Variants in CRYL1 observed in about 807,000 individuals in gnomAD.
CRYL1 encodes the protein lambda-crystallin homolog.
In CRYL1, 29 loss-of-function variants were observed where a neutral mutation model predicts 36.6. The ratio of observed to expected loss-of-function variants is 0.79; its 90% confidence interval spans 0.59 to 1.08. The LOEUF (loss-of-function observed/expected upper bound fraction) is 1.08, where lower values mean the gene tolerates loss of function less well. CRYL1 is among the 50% of genes least tolerant of loss of function. The pLI is 0.00. For missense variants in CRYL1, 411 were observed against 407.9 expected (o/e 1.01, Z -0.06); for synonymous variants, 152 against 151.5 (o/e 1.00, Z -0.02).
chr13:20,416,127 G>T (rs535386911), intron 5 of CRYL1, among the ~76,000 whole-genome samples: 8 of 152,312 alleles, frequency 5.3e-5, no homozygotes, highest in Admixed American at 5.2e-4. Context: ...CGCCACGCTT[G>T]GTGTCCTCAC....
intron 2 of CRYL1, among the ~76,000 whole-genome samples, chr13:20,497,892 A>G (rs1014889401): frequency 5.3e-5 from 8 of 151,998 alleles, no homozygotes; most frequent in Non-Finnish European, 1.0e-4. Flanking sequence ...ATAAGGATTT[A>G]TACTCATATT....
At chr13:20,432,774 T>A (rs2032101169) in intron 4 of CRYL1, among the ~76,000 whole-genome samples, 1 of 152,060 alleles carries the variant, frequency 6.6e-6, no homozygotes, top group Admixed American at 6.6e-5. Context: ...TCCCAGAACT[T>A]TGGGAGGTCG....
intron 5 of CRYL1, chr13:20,431,344 A>G: frequency 1.0e-6 from 1 of 985,322 alleles, no homozygotes; most frequent in South Asian, 4.7e-5. Flanking sequence ...CCGGCCCTTG[A>G]GCCTTCCACA....
chr13:20,431,197 C>A (rs1593438973), intron 5 of CRYL1: 1 of 985,316 alleles, frequency 1.0e-6, no homozygotes, highest in Non-Finnish European at 1.2e-6. Flanking sequence ...GAAGCTGGGG[C>A]ACAGTCAGCT....
Position 20,462,817 on chromosome 13 carries a change from C to T in CRYL1, c.277-23063G>A, listed in dbSNP as rs189563386. Among the ~76,000 whole-genome samples the T allele has an allele frequency of 2.7e-3, 408 of 151,978 alleles. 3 individuals carry two copies. The highest frequency in any genetic ancestry group is 4.6e-3 in the Non-Finnish European group (311 of 67,988). ...CCCACTGCCTTAATGATTAGCCAAA[C>T]GTGCCTAAATTGTACTTAAATGTGA... On this transcript the variant is annotated intron_variant, in intron 3 of 7. Transcript: ENST00000298248.
chr13:20,447,106 C>T (rs1390828447), intron 3 of CRYL1, among the ~76,000 whole-genome samples: 2 of 152,156 alleles, frequency 1.3e-5, no homozygotes, highest in Non-Finnish European at 2.9e-5. Context: ...GGCAATCCTA[C>T]CAGTAGATGA....
At chr13:20,489,081 T>C (rs1276414754) in intron 3 of CRYL1, among the ~76,000 whole-genome samples, 2 of 152,214 alleles carry the variant, frequency 1.3e-5, no homozygotes, top group Non-Finnish European at 2.9e-5. Context: ...CTATTTTTGC[T>C]AAAACTGTTA....
Position 20,415,922 on chromosome 13 carries a change from T to C in CRYL1, c.634-2535A>G, listed in dbSNP as rs767921927. On this transcript the variant is annotated intron_variant, in intron 5 of 7. Coordinates refer to ENST00000298248, the MANE Select transcript of CRYL1 (RefSeq NM_015974.3). The surrounding 1 kb of genome is among the most constrained non-coding windows in gnomAD (Gnocchi z 4.1). ...CTGCGTCATGTGTCCATCTCCTTGA[T>C]GCAGAGATATGAGTTTAGTCATCCA... Among the ~76,000 whole-genome samples, 21 of 152,218 alleles carry C rather than the reference T, an allele frequency of 1.4e-4. No individual in the cohort carries two copies. Among genetic ancestry groups the C allele is most frequent in the Non-Finnish European group, 7.3e-5 (5 of 68,030 alleles).
rs888203660 is a variant in CRYL1 at position 20,525,476 on chromosome 13, C to G, written c.41+278G>C. On this transcript the variant is annotated intron_variant, in intron 1 of 7. Transcript: ENST00000298248. This position sits in a 1 kb window ranked among gnomAD's most constrained non-coding sequence, Gnocchi z 4.3. ...AACAGAGTCCAGGAACCGCAGGCCCCGCGGCCTGGGCGGTCAACCTCGGAA... is the reference window on the plus strand; with the variant it reads ...AACAGAGTCCAGGAACCGCAGGCCCGGCGGCCTGGGCGGTCAACCTCGGAA... Among the ~76,000 whole-genome samples the G allele has an allele frequency of 6.6e-6, 1 of 152,184 alleles. No individual in the cohort carries two copies. The highest frequency in any genetic ancestry group is 2.4e-5 in the African/African-American group (1 of 41,476).
At position 20,414,933 on chromosome 13, in the gene CRYL1, C is replaced by G. The variant is rs548132194; in HGVS notation, c.634-1546G>C. ...ACGGCTCAGACAGGCAGCACTCCCG[C>G]GGAATCCGCCGCCCCAGGTCTCATC... On this transcript the variant is annotated intron_variant, in intron 5 of 7. Transcript: ENST00000298248. 4.6e-5 allele frequency among the ~76,000 whole-genome samples: 7 copies of G among 152,366 alleles called. No homozygotes were observed. In the South Asian group the frequency reaches 8.3e-4, roughly 18 times the overall value.
rs915980876 is a variant in CRYL1, at chr13:20,435,527, G to A, written c.439-3231C>T. ...GCCTCTGGCCCAAGAGGTCAATCTTGTCAATAAGGTCGGGTGCCCCTTGAA... is the reference window on the plus strand; with the variant it reads ...GCCTCTGGCCCAAGAGGTCAATCTTATCAATAAGGTCGGGTGCCCCTTGAA... On this transcript the variant is annotated intron_variant, in intron 4 of 7. Transcript: ENST00000298248. This position sits in a 1 kb window ranked among gnomAD's most constrained non-coding sequence, Gnocchi z 4.0. Among the ~76,000 whole-genome samples, 5 of 152,210 alleles carry A rather than the reference G, an allele frequency of 3.3e-5. No individual in the cohort carries two copies. The highest frequency in any genetic ancestry group is 1.2e-4 in the African/African-American group (5 of 41,448).
At chr13:20,470,265 T>C (rs1442691580) in intron 3 of CRYL1, among the ~76,000 whole-genome samples, 2 of 152,150 alleles carry the variant, frequency 1.3e-5, no homozygotes, top group Non-Finnish European at 2.9e-5. Flanking sequence ...CGGGTGCAAG[T>C]TCAAGCACAG....
intron 4 of CRYL1, among the ~76,000 whole-genome samples, chr13:20,437,170 G>A (rs2137399001): frequency 7.2e-6 from 1 of 138,128 alleles, no homozygotes. Flanking sequence ...AATAAAAAAA[G>A]AGAGAGAGAG....
chr13:20,439,757 GAAA>G lies in CRYL1; in HGVS notation c.277-6_277-4del. On this transcript the variant is annotated splice_region_variant and splice_polypyrimidine_tract_variant and intron_variant, in intron 3 of 7. Coordinates refer to ENST00000298248, the MANE Select transcript of CRYL1 (RefSeq NM_015974.3). ...TCTAGATCTTCTGGAACACATTCCTGAAAAGGACACGTTTAAATGACTATTCAT... is the reference window on the plus strand; with the variant it reads ...TCTAGATCTTCTGGAACACATTCCTGAGGACACGTTTAAATGACTATTCAT... 2 of 1,613,862 alleles carry G rather than the reference GAAA, an allele frequency of 1.2e-6. No individual in the cohort carries two copies. The highest frequency in any genetic ancestry group is 1.7e-6 in the Non-Finnish European group (2 of 1,179,820).
chr13:20,420,324 G>A (rs1363188000), intron 5 of CRYL1, among the ~76,000 whole-genome samples: 4 of 152,140 alleles, frequency 2.6e-5, no homozygotes, highest in East Asian at 1.9e-4. Flanking sequence ...CACAGCTGCC[G>A]GAGGAGAGGC....
intron 1 of CRYL1, among the ~76,000 whole-genome samples, chr13:20,517,962 G>A (rs1194272773): frequency 7.6e-6 from 1 of 130,818 alleles, no homozygotes; most frequent in Non-Finnish European, 1.6e-5. Flanking sequence ...AAAAAGCAAT[G>A]CTAGTGAGCA....
At chr13:20,495,441 AT>A (rs372804788) in intron 2 of CRYL1, among the ~76,000 whole-genome samples, 25 of 152,154 alleles carry the variant, frequency 1.6e-4, no homozygotes, top group Admixed American at 6.5e-4. Context: ...GGTGATTTTA[AT>A]TTTTTTTAAT....
At chr13:20,521,507 C>T (rs894415929) in intron 1 of CRYL1, among the ~76,000 whole-genome samples, 22 of 152,182 alleles carry the variant, frequency 1.4e-4, no homozygotes, top group African/African-American at 4.1e-4. Flanking sequence ...GTCCTGAGAG[C>T]TTGTGACATC....
chr13:20,510,589 A>G (rs1474157593), intron 2 of CRYL1, among the ~76,000 whole-genome samples: 1 of 149,360 alleles, frequency 6.7e-6, no homozygotes, highest in Non-Finnish European at 1.5e-5. Flanking sequence ...CCAAATCCAT[A>G]GAGTGTAAAC....
Sources: gnomAD v4.1 joint callset for allele counts (sites outside exome capture counted in the v4.1 genomes callset) on GRCh38, gnomAD v4.1.1 for gene constraint, Gnocchi (gnomAD v3.1) non-coding constraint, MANE v1.5 for transcripts, NCBI Gene and HGNC (gene_info 2026-07-23, HGNC 2026-07-21) for gene names.